SUGCT: variants seen among roughly 807,000 people sequenced by gnomAD.
SUGCT encodes the protein succinyl-CoA:glutarate CoA-transferase.
SUGCT carries 41 observed loss-of-function variants against 55.0 expected under a neutral mutation model. That is an observed-to-expected ratio of 0.74 (90% CI 0.58 to 0.97). The LOEUF is 0.97. SUGCT is among the 50% of genes least tolerant of loss of function. The pLI is 0.00. For missense variants in SUGCT, 568 were observed against 547.8 expected (o/e 1.04, Z -0.37); for synonymous variants, 187 against 200.4 (o/e 0.93, Z 0.56).
chr7:40,187,893 G>A (rs896342516), intron 3 of SUGCT, among the ~76,000 whole-genome samples: 23 of 152,082 alleles, frequency 1.5e-4, no homozygotes, highest in African/African-American at 2.7e-4. Flanking sequence ...GGCTGGGTGC[G>A]GTGGCTCATA....
chr7:40,891,599 ACTTTCG>A, the SUGCT span, among the ~76,000 whole-genome samples: 2 of 152,208 alleles, frequency 1.3e-5, no homozygotes, highest in Non-Finnish European at 2.9e-5. Flanking sequence ...GGAGACAAAG[ACTTTCG>A]CAGACAAACA....
At chr7:40,724,149 T>A (rs1293611001) in intron 12 of SUGCT, among the ~76,000 whole-genome samples, 2 of 152,212 alleles carry the variant, frequency 1.3e-5, no homozygotes, top group African/African-American at 4.8e-5. Context: ...AGCACATGAT[T>A]GCCTATACTG....
the SUGCT span, among the ~76,000 whole-genome samples, chr7:40,904,226 CGAGTATA>C: frequency 6.6e-6 from 1 of 152,040 alleles, no homozygotes; most frequent in Non-Finnish European, 1.5e-5. Context: ...AGAAACATAC[CGAGTATA>C]TGGCAGGGCC....
At chr7:40,582,961 G>A (rs1797183543) in intron 12 of SUGCT, among the ~76,000 whole-genome samples, 1 of 152,158 alleles carries the variant, frequency 6.6e-6, no homozygotes, top group African/African-American at 2.4e-5. Context: ...TTTTGGATCA[G>A]TTGTGTTTTA....
chr7:40,162,834 G>A (rs1396157026), intron 1 of SUGCT, among the ~76,000 whole-genome samples: 1 of 152,144 alleles, frequency 6.6e-6, no homozygotes, highest in Non-Finnish European at 1.5e-5. Context: ...CCACTAAAAG[G>A]ACAGTGAAAC....
At chr7:40,264,389 A>G (rs1584501982) in intron 7 of SUGCT, among the ~76,000 whole-genome samples, 2 of 152,166 alleles carry the variant, frequency 1.3e-5, no homozygotes, top group African/African-American at 4.8e-5. Context: ...GTTTGTGGAA[A>G]TTTGTATGTG....
At position 40,289,449 on chromosome 7, in the gene SUGCT, T is replaced by A. The variant is rs561762051; in HGVS notation, c.720+14793T>A. ...TTTGAACAATGGTAAAATAGAGCAA[T>A]TGTAACAATATATTATAATATCTCT... On this transcript the variant is annotated intron_variant, in intron 8 of 13. Coordinates refer to ENST00000335693, the MANE Select transcript of SUGCT (RefSeq NM_001193313.2). 2.6e-5 allele frequency among the ~76,000 whole-genome samples: 4 copies of A among 152,252 alleles called. No homozygotes were observed. In the South Asian group the frequency reaches 6.2e-4, roughly 24 times the overall value.
At chr7:40,522,871 GAA>G (rs1349775610) in intron 12 of SUGCT, among the ~76,000 whole-genome samples, 2 of 152,008 alleles carry the variant, frequency 1.3e-5, no homozygotes, top group Non-Finnish European at 2.9e-5. Context: ...AGGCTCTTAA[GAA>G]ATTTCAACTG....
At chr7:40,373,032 T>C (rs1196885463) in intron 9 of SUGCT, among the ~76,000 whole-genome samples, 1 of 152,002 alleles carries the variant, frequency 6.6e-6, no homozygotes, top group African/African-American at 2.4e-5. Flanking sequence ...TTATATCATA[T>C]GGCTTAATTG....
chr7:40,614,317 T>G (rs911297278), intron 12 of SUGCT, among the ~76,000 whole-genome samples: 1 of 152,194 alleles, frequency 6.6e-6, no homozygotes, highest in Non-Finnish European at 1.5e-5. Flanking sequence ...GCTAAAGACA[T>G]GTACTGCTTT....
intron 12 of SUGCT, among the ~76,000 whole-genome samples, chr7:40,710,620 C>T (rs1785661764): frequency 1.3e-5 from 2 of 151,602 alleles, no homozygotes; most frequent in South Asian, 4.2e-4. Flanking sequence ...TAAAATCATA[C>T]CTAAAGAAAA....
At chr7:40,475,409 T>C (rs1790610423) in intron 11 of SUGCT, among the ~76,000 whole-genome samples, 1 of 152,230 alleles carries the variant, frequency 6.6e-6, no homozygotes, top group African/African-American at 2.4e-5. Flanking sequence ...CACGAAGATA[T>C]TTTGAATGAC....
chr7:41,028,174 A>C, the SUGCT span, among the ~76,000 whole-genome samples: 1 of 152,220 alleles, frequency 6.6e-6, no homozygotes, highest in African/African-American at 2.4e-5. Flanking sequence ...AAATCAGTGC[A>C]GAGGGAACAT....
intron 8 of SUGCT, among the ~76,000 whole-genome samples, chr7:40,277,272 T>C (rs1264987395): frequency 6.6e-6 from 1 of 152,154 alleles, no homozygotes; most frequent in Non-Finnish European, 1.5e-5. Context: ...AACTTCTGAC[T>C]CCTAGGTTGA....
chr7:40,702,526 C>T (rs924322786), intron 12 of SUGCT, among the ~76,000 whole-genome samples: 17 of 152,192 alleles, frequency 1.1e-4, no homozygotes, highest in Admixed American at 9.8e-4. Flanking sequence ...TTTCCTCCTT[C>T]GTGTGCTCAG....
intron 9 of SUGCT, among the ~76,000 whole-genome samples, chr7:40,322,997 T>TAAAATAAAATAAAATAA (rs1584679486): frequency 3.3e-5 from 5 of 152,068 alleles, no homozygotes; most frequent in South Asian, 2.1e-4. Context: ...TAAAATAAAC[T>TAAAATAAAATAAAATAA]ACTACCAGAA....
chr7:40,489,177 A>G (rs1791546558), intron 11 of SUGCT, among the ~76,000 whole-genome samples: 1 of 150,252 alleles, frequency 6.7e-6, no homozygotes, highest in Non-Finnish European at 1.5e-5. Context: ...ATATTTTCAA[A>G]TAATCTGACT....
At chr7:40,855,399 A>G (rs1362019537) in intron 13 of SUGCT, among the ~76,000 whole-genome samples, 2 of 151,948 alleles carry the variant, frequency 1.3e-5, no homozygotes, top group African/African-American at 4.8e-5. Context: ...TAGACAAGCT[A>G]TATTTTTGTC....
intron 12 of SUGCT, among the ~76,000 whole-genome samples, chr7:40,654,699 G>A (rs1416741645): frequency 6.6e-6 from 1 of 152,158 alleles, no homozygotes; most frequent in Non-Finnish European, 1.5e-5. Context: ...TCAAAATGTG[G>A]ACAAACAACT....
Sources: allele counts gnomAD v4.1 joint callset (sites outside exome capture counted in the v4.1 genomes callset), GRCh38; gene constraint gnomAD v4.1.1; transcripts MANE v1.5; gene names NCBI Gene and HGNC (gene_info 2026-07-23, HGNC 2026-07-21).